PRDM16: variants seen among roughly 807,000 people sequenced by gnomAD.
PRDM16 encodes PR/SET domain 16, also known as histone-lysine N-methyltransferase PRDM16.
A neutral mutation model predicts 110.6 loss-of-function variants in PRDM16; 23 were observed. The ratio of observed to expected loss-of-function variants is 0.21; its 90% confidence interval spans 0.15 to 0.29. The LOEUF (loss-of-function observed/expected upper bound fraction) is 0.29. Among genes scored for constraint, PRDM16 ranks in the 10% least tolerant of loss-of-function variants. PRDM16 has a pLI of 1.00. For synonymous variants in PRDM16, 799 were observed against 781.8 expected (o/e 1.02, Z -0.37); for missense variants, 1,615 against 1,794.3 (o/e 0.90, Z 1.81).
intron 12 of PRDM16, 95 bp downstream of exon 12, chr1:3,418,839 C>T (rs2100678038): frequency 1.0e-6 from 1 of 980,506 alleles, no homozygotes; most frequent in East Asian, 2.5e-5. Context: ...TCCCAGGGCT[C>T]CCTGCTGGAG....
At chr1:3,151,572 A>G (rs1025852532) in intron 1 of PRDM16, among the ~76,000 whole-genome samples, 3 of 152,162 alleles carry the variant, frequency 2.0e-5, no homozygotes, top group African/African-American at 4.8e-5. Flanking sequence ...GATTTACCTG[A>G]TTCCTAGGCA....
rs116177133 is a variant in PRDM16, at chr1:3,382,859, C to T, written c.439-2293C>T. ...TACAATGTGCTGTGACGTCAGCAGG[C>T]CTCTATGGAGAAGTGGACCCATGGG... On this transcript the variant is annotated intron_variant, in intron 3 of 16. Coordinates refer to ENST00000270722, the MANE Select transcript of PRDM16 (RefSeq NM_022114.4). This position sits in a 1 kb window ranked among gnomAD's most constrained non-coding sequence, Gnocchi z 6.6. Among the ~76,000 whole-genome samples the T allele has an allele frequency of 9.7e-3, 1,476 of 152,322 alleles. 22 individuals are homozygous for T. The highest frequency in any genetic ancestry group is 0.034 in the African/African-American group (1,398 of 41,558).
intron 1 of PRDM16, among the ~76,000 whole-genome samples, chr1:3,185,505 G>A (rs1323174279): frequency 1.3e-5 from 2 of 151,720 alleles, no homozygotes; most frequent in Non-Finnish European, 2.9e-5. Context: ...TCCAGGCTGC[G>A]GCCCAAGTGC....
intron 3 of PRDM16, among the ~76,000 whole-genome samples, chr1:3,254,381 C>G (rs1199834131): frequency 1.6e-4 from 24 of 152,102 alleles, no homozygotes; most frequent in Non-Finnish European, 3.5e-4. Context: ...TCCCTGTTTG[C>G]AGATGACATG....
rs1229320051 is a variant in PRDM16 at position 3,194,893 on chromosome 1, G to A, written c.387+8419G>A. Among the ~76,000 whole-genome samples, 3 of 152,208 alleles carry A rather than the reference G, an allele frequency of 2.0e-5. No homozygotes were observed. The South Asian group carries it at 6.2e-4, about 31-fold the overall frequency. ...CCACGGTTGAGTGGGCTCGGCCCCG[G>A]GACGTGGCCTGGCTCTGGGCACCTC... On this transcript the variant is annotated intron_variant, in intron 2 of 16. Transcript: ENST00000270722.
At chr1:3,093,461 C>T (rs547314545) in intron 1 of PRDM16, among the ~76,000 whole-genome samples, 3 of 152,334 alleles carry the variant, frequency 2.0e-5, no homozygotes, top group African/African-American at 4.8e-5. Flanking sequence ...GACTGTTTCT[C>T]CAGACTTTGG....
intron 3 of PRDM16, among the ~76,000 whole-genome samples, chr1:3,377,179 C>G (rs557914762): frequency 7.8e-4 from 119 of 152,352 alleles, no homozygotes; most frequent in Middle Eastern, 6.8e-3. Context: ...GAGACCCTCT[C>G]CCCCGGCTCC....
intron 1 of PRDM16, among the ~76,000 whole-genome samples, chr1:3,172,758 G>A (rs1179840106): frequency 6.6e-6 from 1 of 152,194 alleles, no homozygotes; most frequent in Non-Finnish European, 1.5e-5. Flanking sequence ...GCATAGAGAC[G>A]GAAAGTAGAA....
At chr1:3,373,132 G>T (rs540375074) in intron 3 of PRDM16, among the ~76,000 whole-genome samples, 64 of 152,336 alleles carry the variant, frequency 4.2e-4, no homozygotes, top group African/African-American at 1.5e-3. Flanking sequence ...GCACACACAA[G>T]AGTCTCCTCA....
intron 3 of PRDM16, among the ~76,000 whole-genome samples, chr1:3,332,226 A>T (rs1208536458): frequency 1.3e-5 from 2 of 152,254 alleles, no homozygotes; most frequent in African/African-American, 4.8e-5. Flanking sequence ...AGTGGTAATG[A>T]GATTCTGCCA....
At chr1:3,409,677 TGTGTGTGCGTGTGTGTG>T in intron 8 of PRDM16, among the ~76,000 whole-genome samples, 1 of 150,496 alleles carries the variant, frequency 6.6e-6, no homozygotes, top group South Asian at 2.1e-4. Context: ...GTCTGTGGTG[TGTGTGTGCGTGTGTGTG>T]GTGTATGTGC....
chr1:3,078,230 G>C lies in PRDM16; in HGVS notation c.37+8934G>C, dbSNP rs531436643. Among the ~76,000 whole-genome samples, 3 of 152,282 alleles carry C rather than the reference G, an allele frequency of 2.0e-5. No individual in the cohort carries two copies. In the South Asian group the frequency reaches 6.2e-4, roughly 32 times the overall value. On this transcript the variant is annotated intron_variant, in intron 1 of 16. Transcript: ENST00000270722. ...CCGGGCTCCGAGACCTGCATGTCAG[G>C]GGGCAGAGGACCTCTCCAGCTGCAG... is the stretch of plus-strand genomic sequence containing the variant.
intron 3 of PRDM16, among the ~76,000 whole-genome samples, chr1:3,330,203 C>T (rs76468147): frequency 0.073 from 11,109 of 152,250 alleles, 548 homozygotes; most frequent in East Asian, 0.19. Context: ...AAGCTAGAGG[C>T]GGGGAATGAG....
chr1:3,154,270 T>C (rs1462891861), intron 1 of PRDM16, among the ~76,000 whole-genome samples: 2 of 151,992 alleles, frequency 1.3e-5, no homozygotes, highest in African/African-American at 4.8e-5. Flanking sequence ...GCTGGCGCAC[T>C]CTCCCTGGGC....
intron 3 of PRDM16, among the ~76,000 whole-genome samples, chr1:3,289,865 C>T (rs1393772805): frequency 1.3e-5 from 2 of 150,348 alleles, no homozygotes; most frequent in African/African-American, 4.9e-5. Flanking sequence ...CCCTCCAGGG[C>T]ACCGAGACCC....
intron 4 of PRDM16, among the ~76,000 whole-genome samples, chr1:3,394,103 G>T (rs1643345373): frequency 1.3e-5 from 2 of 152,076 alleles, no homozygotes; most frequent in Admixed American, 1.3e-4. Flanking sequence ...GACACCGGGG[G>T]CCCTCGGATT....
chr1:3,079,269 C>T (rs1294337607), intron 1 of PRDM16, among the ~76,000 whole-genome samples: 1 of 152,146 alleles, frequency 6.6e-6, no homozygotes, highest in Non-Finnish European at 1.5e-5. Flanking sequence ...GGCCTGAGAG[C>T]CCCTTCCAGC....
chr1:3,117,644 G>A (rs923357740), intron 1 of PRDM16, among the ~76,000 whole-genome samples: 6 of 152,076 alleles, frequency 3.9e-5, no homozygotes, highest in African/African-American at 1.2e-4. Flanking sequence ...GTGAGGAGCA[G>A]AGCCAGGCCC....
At chr1:3,394,404 A>G (rs143413629) in intron 4 of PRDM16, 7,566 of 445,622 alleles carry the variant, frequency 0.017, 452 homozygotes, top group African/African-American at 0.14. Flanking sequence ...TCTGCCCGCC[A>G]GTGGAGCGGA....
Sources: gnomAD v4.1 joint callset for allele counts (sites outside exome capture counted in the v4.1 genomes callset) on GRCh38, gnomAD v4.1.1 for gene constraint, Gnocchi (gnomAD v3.1) non-coding constraint, MANE v1.5 for transcripts, NCBI Gene and HGNC (gene_info 2026-07-23, HGNC 2026-07-21) for gene names.